STAG3: variants seen among roughly 807,000 people sequenced by gnomAD.
STAG3 encodes the protein STAG3 cohesin complex component, also known as cohesin subunit SA-3.
In STAG3, 101 loss-of-function variants were observed where a neutral mutation model predicts 160.7. That is an observed-to-expected ratio of 0.63 (90% confidence interval 0.54 to 0.74). The LOEUF is 0.74. Among genes scored for constraint, STAG3 ranks in the 30% least tolerant of loss-of-function variants. The pLI is 0.00. For missense variants in STAG3, 1,188 were observed against 1,517.4 expected, an observed-to-expected ratio of 0.78 and a Z score of 3.61; for synonymous variants, 519 against 585.0, an observed-to-expected ratio of 0.89 and a Z score of 1.63.
intron 8 of STAG3, 27 bp from the exon 9 acceptor site, chr7:100,195,282 A>G: frequency 6.2e-7 from 1 of 1,608,482 alleles, no homozygotes. Context: ...TACAAGAAAG[A>G]TTAACCCGTT....
At chr7:100,218,456 G>A (rs1802958969), downstream of STAG3, 1 of 217,798 alleles carries the variant, frequency 4.6e-6, no homozygotes, top group Non-Finnish European at 9.3e-6. Flanking sequence ...CTCCCACATG[G>A]CACTGCTGGG....
chr7:100,186,614 G>C (rs1800018652), intron 5 of STAG3, among the ~76,000 whole-genome samples: 1 of 152,050 alleles, frequency 6.6e-6, no homozygotes, highest in South Asian at 2.1e-4. Flanking sequence ...AACCCAGGAG[G>C]TGGAGGTTAT....
In STAG3 at chr7:100,182,171, A is replaced by C. The variant is rs761620488; in HGVS notation, c.198A>C (p.Lys66Asn). 22 of 1,594,130 alleles carry C rather than the reference A, an allele frequency of 1.4e-5. No homozygotes were observed. In the East Asian group the frequency reaches 5.0e-4, roughly 36 times the overall value. The part of the protein sequence containing the change: ...LNRNVKKRAA[K>N]RPPKTTPVAK... ...GCAATGTGAAGAAGAGAGCAGCAAA[A>C]CGACCACCGAAAACAACACCGGTGA... The change falls in exon 3 of 34, where the codon AAA (lysine) becomes AAC (asparagine). Residue 66 changes from lysine to asparagine, a missense_variant. Physicochemically the swap from Lys to Asn is moderately conservative, Grantham distance 94 (BLOSUM62 0). Around this residue, in one of 4 missense-constraint regions of STAG3, gnomAD observed 296 missense variants for 404.0 expected, o/e 0.73. Coordinates refer to ENST00000615138, the MANE Select transcript of STAG3 (RefSeq NM_001282717.2).
intron 9 of STAG3, among the ~76,000 whole-genome samples, chr7:100,196,651 G>A (rs993310674): frequency 2.0e-5 from 3 of 152,046 alleles, no homozygotes; most frequent in Admixed American, 6.6e-5. Flanking sequence ...AAGGAAGCTG[G>A]GCGTGGTGGT....
chr7:100,195,066 A>G (rs1273490749), intron 8 of STAG3, among the ~76,000 whole-genome samples: 2 of 152,234 alleles, frequency 1.3e-5, no homozygotes, highest in African/African-American at 2.4e-5. Context: ...GGGCTTCTGA[A>G]TAGTCCGAAT....
chr7:100,207,172 G>T lies in STAG3; in HGVS notation c.3238+1788G>T, dbSNP rs561927458. 2.5e-4 allele frequency among the ~76,000 whole-genome samples: 38 copies of T among 152,286 alleles called. No homozygotes were observed. The highest frequency in any genetic ancestry group is 8.2e-4 in the African/African-American group (34 of 41,544). On this transcript the variant is annotated intron_variant, in intron 29 of 33. Transcript: ENST00000615138. This position sits in a 1 kb window ranked among gnomAD's most constrained non-coding sequence, Gnocchi z 4.0. Reference sequence around the variant, plus strand: ...TTTGGGCTCTTTTATGCATAATGCTGCTAAACATGCATGTACACATTTTTG... The same window carrying T: ...TTTGGGCTCTTTTATGCATAATGCTTCTAAACATGCATGTACACATTTTTG...
chr7:100,201,263 G>A lies in STAG3; in HGVS notation c.2133-1G>A, dbSNP rs1562987672. On this transcript the variant is annotated splice_acceptor_variant, in intron 20 of 33. Coordinates refer to ENST00000615138, the MANE Select transcript of STAG3 (RefSeq NM_001282717.2). LOFTEE classifies it high-confidence loss of function. ...ATAACATTCCCCTTTCTCCCCCAAA[G>A]CACTCATGACCTGACTCGCTGGGAG... 1.2e-6 allele frequency: 2 copies of A among 1,614,066 alleles called. No individual in the cohort carries two copies.
At chr7:100,188,370 T>G in intron 5 of STAG3, 83 bp from the exon 6 acceptor site, 2 of 949,168 alleles carry the variant, frequency 2.1e-6, no homozygotes, top group East Asian at 4.8e-5. Context: ...GAATGTTTCC[T>G]TGCTCATCTT....
At position 100,211,883 on chromosome 7, in the gene STAG3, A is replaced by G. The variant is rs1802250197; in HGVS notation, c.3600+7A>G. On this transcript the variant is annotated splice_region_variant and intron_variant, in intron 32 of 33. Coordinates refer to ENST00000615138, the MANE Select transcript of STAG3 (RefSeq NM_001282717.2). ...ACGGCAGGATACAGACATGGTGAGT[A>G]GACCACCCTGCCCTTCTCTCTCAAG... 1.2e-6 allele frequency: 2 copies of G among 1,613,684 alleles called. No individual in the cohort carries two copies. Among genetic ancestry groups the G allele is most frequent in the African/African-American group, 1.3e-5 (1 of 75,034 alleles).
rs368651874 is a variant in STAG3 at position 100,211,421 on chromosome 7, T to C, written c.3414-14T>C. The stretch of plus-strand genomic sequence containing the variant: ...TTGATTTTTATCCCATCATTGATCC[T>C]GCTTCATTCCCAGCAGTCAGCCCGT... On this transcript the variant is annotated splice_polypyrimidine_tract_variant and intron_variant, in intron 30 of 33. Coordinates refer to ENST00000615138, the MANE Select transcript of STAG3 (RefSeq NM_001282717.2). The C allele has an allele frequency of 6.2e-7, 1 of 1,612,088 alleles. No homozygotes were observed. The highest frequency in any genetic ancestry group is 1.7e-5 in the Admixed American group (1 of 59,392).
rs1562981065 is a variant in STAG3 at position 100,198,103 on chromosome 7, T to C, written c.1181T>C (p.Met394Thr). ...TSRFKDRMVS[M>T]VMDREYDVAV... ...TTTCTGCAGGACCGGATGGTTTCCATGGTCATGGACAGAGAGTATGATGTG... is the reference window on the plus strand; with the variant it reads ...TTTCTGCAGGACCGGATGGTTTCCACGGTCATGGACAGAGAGTATGATGTG... The change falls in exon 12 of 34, where the codon ATG becomes ACG. Residue 394 changes from methionine to threonine, a missense_variant. Transcript: ENST00000615138. 2 of 1,613,846 alleles carry C rather than the reference T, an allele frequency of 1.2e-6. No individual in the cohort carries two copies. The highest frequency in any genetic ancestry group is 1.7e-6 in the Non-Finnish European group (2 of 1,179,870).
In STAG3 at chr7:100,204,989, A is replaced by G; in HGVS notation, c.2952-16A>G. The G allele has an allele frequency of 6.2e-7, 1 of 1,611,630 alleles. No individual in the cohort carries two copies. The highest frequency in any genetic ancestry group is 8.5e-7 in the Non-Finnish European group (1 of 1,178,790). On this transcript the variant is annotated splice_polypyrimidine_tract_variant and intron_variant, in intron 27 of 33. Coordinates refer to ENST00000615138, the MANE Select transcript of STAG3 (RefSeq NM_001282717.2). ...GGGAAGAGACTTTCTTCCTAAAATA[A>G]TTCTGCCCAACCAAGGGAAGGCATC...
intron 25 of STAG3, among the ~76,000 whole-genome samples, chr7:100,203,377 G>A (rs1252996864): frequency 6.6e-6 from 1 of 151,778 alleles, no homozygotes; most frequent in Non-Finnish European, 1.5e-5. Context: ...GTAAAGACAG[G>A]GTTTCACCAT....
Position 100,198,968 on chromosome 7 carries a change from CAGAG to C in STAG3, c.1467+15_1467+18del. 6.2e-7 allele frequency: 1 copy of C among 1,609,576 alleles called. No homozygotes were observed. The highest frequency in any genetic ancestry group is 8.5e-7 in the Non-Finnish European group (1 of 1,177,982). ...TTTGTGGAGAGCGAGGTGACATACA[CAGAG>C]AGAAGTCTGGCTGTTGTGCATAGGA... On this transcript the variant is annotated intron_variant, in intron 14 of 33. Transcript: ENST00000615138.
Position 100,200,294 on chromosome 7 carries a change from AC to A in STAG3, c.1738del (p.Leu580SerfsTer55). 6.2e-7 allele frequency: 1 copy of A among 1,613,644 alleles called. No individual in the cohort carries two copies. The highest frequency in any genetic ancestry group is 8.5e-7 in the Non-Finnish European group (1 of 1,179,916). On this transcript the variant is annotated frameshift_variant, in exon 17 of 34. Coordinates refer to ENST00000615138, the MANE Select transcript of STAG3 (RefSeq NM_001282717.2). LOFTEE classifies it high-confidence loss of function. Reference sequence around the variant, plus strand: ...GATGACAGGGTGAAGTTGACTGAGCACCTCATCCCCCTGCTGCCCCAGCTCC... The same window carrying A: ...GATGACAGGGTGAAGTTGACTGAGCACTCATCCCCCTGCTGCCCCAGCTCC... ...QADDRVKLTE[H>X]LIPLLPQLLA...
At position 100,214,186 on chromosome 7, in the gene STAG3, G is replaced by A. The variant is rs972354844; in HGVS notation, c.*171G>A. ...TAACCTAACCTTTCCCTCTGGGGTA[G>A]AGAAGCCGAGAGACCCTGTCCTCCC... On this transcript the variant is annotated 3_prime_UTR_variant, in exon 34 of 34. Coordinates refer to ENST00000615138, the MANE Select transcript of STAG3 (RefSeq NM_001282717.2). 11 of 862,186 alleles carry A rather than the reference G, an allele frequency of 1.3e-5. No homozygotes were observed. The highest frequency in any genetic ancestry group is 1.8e-5 in the Non-Finnish European group (10 of 556,832). The allele number at this position is 862,186 out of a possible 1,614,324, so 53.4% of individuals were successfully genotyped here.
At chr7:100,195,837 G>T (rs1334391364) in intron 9 of STAG3, among the ~76,000 whole-genome samples, 1 of 152,160 alleles carries the variant, frequency 6.6e-6, no homozygotes. Flanking sequence ...AAGTTAAAAA[G>T]AATATATGTA....
chr7:100,202,224 T>A lies in STAG3; in HGVS notation c.2447T>A (p.Val816Asp), dbSNP rs1342087175. 1.9e-6 allele frequency: 3 copies of A among 1,614,164 alleles called. No individual in the cohort carries two copies. The highest frequency in any genetic ancestry group is 3.3e-5 in the Admixed American group (2 of 60,018). Residue 816 changes from valine (V) to aspartate (D), a missense_variant, in exon 24 of 34, where the codon GTT becomes GAT. This residue lies in a region of STAG3 where 647 missense variants were observed against 717.2 expected (regional missense o/e 0.90). Coordinates refer to ENST00000615138, the MANE Select transcript of STAG3 (RefSeq NM_001282717.2). ...CTCATCTTTAGCCCTCAGATGATTG[T>A]TGGGGGCCGTGATTTCCTTAGGCCA... Reference protein sequence around the residue: ...LLLIFSPQMIVGGRDFLRPLV... With the variant: ...LLLIFSPQMIDGGRDFLRPLV...
Position 100,202,438 on chromosome 7 carries a change from C to T in STAG3, c.2564-16C>T, listed in dbSNP as rs375525466. ...GCTTAAGTCTGTGATTCCCTTTTGC[C>T]TTCCATGTGAGCCAGGTGATTCCCA... On this transcript the variant is annotated splice_polypyrimidine_tract_variant and intron_variant, in intron 24 of 33. Transcript: ENST00000615138. The T allele has an allele frequency of 1.1e-5, 17 of 1,611,600 alleles. No individual in the cohort carries two copies. The highest frequency in any genetic ancestry group is 1.4e-5 in the Non-Finnish European group (16 of 1,178,216).
Sources: allele counts gnomAD v4.1 joint callset (sites outside exome capture counted in the v4.1 genomes callset), GRCh38; gene constraint gnomAD v4.1.1; regional missense constraint gnomAD v4.1.1; non-coding constraint Gnocchi (gnomAD v3.1); transcripts MANE v1.5; gene names NCBI Gene and HGNC (gene_info 2026-07-23, HGNC 2026-07-21).